Variants in DPAGT1 observed in about 807,000 individuals in gnomAD.
DPAGT1 encodes dolichyl-phosphate N-acetylglucosaminephosphotransferase 1, also known as UDP-N-acetylglucosamine--dolichyl-phosphate N-acetylglucosaminephosphotransferase.
DPAGT1 carries 25 observed loss-of-function variants against 39.3 expected under a neutral mutation model. That is an observed-to-expected ratio of 0.64 (90% CI 0.46 to 0.89). The LOEUF (loss-of-function observed/expected upper bound fraction) is 0.89, where lower values mean the gene tolerates loss of function less well. DPAGT1 is among the 40% of genes least tolerant of loss of function. The pLI is 0.00. For synonymous variants in DPAGT1, 193 were observed against 201.4 expected (o/e 0.96, Z 0.36); for missense variants, 381 against 500.6 (o/e 0.76, Z 2.28).
chr11:119,100,968 G>A (rs1946492558), intron 2 of DPAGT1, 50 bp downstream of exon 2: 3 of 1,613,962 alleles, frequency 1.9e-6, no homozygotes, highest in Non-Finnish European at 1.7e-6. Context: ...GTTCTCTCAG[G>A]TACCTCCCAG....
chr11:119,096,755 G>T lies in DPAGT1; in HGVS notation c.*243C>A. The T allele has an allele frequency of 1.7e-6, 1 of 584,064 alleles. No individual in the cohort carries two copies. 36.2% of individuals were successfully genotyped at this position (584,064 alleles called of 1,614,324 possible). A position where few individuals can be genotyped will look rare whatever the true frequency, so the allele number is the denominator to read the frequency against. On this transcript the variant is annotated 3_prime_UTR_variant, in exon 9 of 9. Transcript: ENST00000354202. ...CCCTATGAGGCTGCAAAGATGGGAT[G>T]GAGAGGGAGAGAGTAGCAAGTTGCA...
chr11:119,099,908 T>C (rs1056513804), intron 4 of DPAGT1, among the ~76,000 whole-genome samples: 1 of 151,904 alleles, frequency 6.6e-6, no homozygotes, highest in Non-Finnish European at 1.5e-5. Flanking sequence ...AGTGTTCTTG[T>C]GGTTTTGCCT....
At position 119,096,848 on chromosome 11, in the gene DPAGT1, A is replaced by T; in HGVS notation, c.*150T>A. ...AGAAACGCCCAGGATGCCAATGATC[A>T]CAGAGAAAGGAAAATGCTGAGAACA... On this transcript the variant is annotated 3_prime_UTR_variant, in exon 9 of 9. Transcript: ENST00000354202. 1 of 951,556 alleles carries T rather than the reference A, an allele frequency of 1.1e-6. No individual in the cohort carries two copies. The highest frequency in any genetic ancestry group is 1.6e-6 in the Non-Finnish European group (1 of 609,942). The allele number at this position is 951,556 out of a possible 1,614,324, so 58.9% of individuals were successfully genotyped here.
chr11:119,100,427 G>A lies in DPAGT1; in HGVS notation c.497-19C>T, dbSNP rs1419252364. ...AGGATTCCTGCGGGGAGAGATGGTA[G>A]GAAAAGAAGTAGTGCCACCTAGGGG... On this transcript the variant is annotated intron_variant, in intron 3 of 8. Transcript: ENST00000354202. The A allele has an allele frequency of 4.3e-6, 7 of 1,614,136 alleles. No individual in the cohort carries two copies. The South Asian group carries it at 4.4e-5, about 10-fold the overall frequency.
In DPAGT1 at chr11:119,097,379, C is replaced by T; in HGVS notation, c.1006-82G>A. ...GATCTATTTAATGCTTTCAAGTTCC[C>T]CTTGGATCTGATGTAGGACTAGGTT... On this transcript the variant is annotated intron_variant, in intron 7 of 8. Coordinates refer to ENST00000354202, the MANE Select transcript of DPAGT1 (RefSeq NM_001382.4). The surrounding 1 kb of genome is among the most constrained non-coding windows in gnomAD (Gnocchi z 4.6). 1 of 1,612,672 alleles carries T rather than the reference C, an allele frequency of 6.2e-7. No individual in the cohort carries two copies. The highest frequency in any genetic ancestry group is 8.5e-7 in the Non-Finnish European group (1 of 1,178,742).
At chr11:119,095,428 C>G (rs1946375124), downstream of DPAGT1, 3 of 1,478,772 alleles carry the variant, frequency 2.0e-6, no homozygotes, top group Non-Finnish European at 2.7e-6. Flanking sequence ...CACGACGGCT[C>G]AAACACTAGA....
At chr11:119,095,141 T>G (rs750855185), downstream of DPAGT1, 2 of 1,614,044 alleles carry the variant, frequency 1.2e-6, no homozygotes, top group Non-Finnish European at 1.7e-6. Context: ...GATGGCCAGC[T>G]GCAGGTGGCG....
downstream of DPAGT1, chr11:119,095,256 C>G: frequency 1.2e-6 from 2 of 1,613,472 alleles, no homozygotes; most frequent in Non-Finnish European, 1.7e-6. Context: ...ACTGGCGCGC[C>G]GGCGCCAACG....
downstream of DPAGT1, chr11:119,095,432 C>A: frequency 3.4e-6 from 5 of 1,466,406 alleles, no homozygotes; most frequent in South Asian, 4.2e-5. Context: ...ACGGCTCAAA[C>A]ACTAGAACAG....
chr11:119,097,769 C>G lies in DPAGT1; in HGVS notation c.917+86G>C, dbSNP rs1326358746. 3 of 1,582,682 alleles carry G rather than the reference C, an allele frequency of 1.9e-6. No homozygotes were observed. The East Asian group carries it at 6.7e-5, about 35-fold the overall frequency. ...GAAATAGCCCTTCTTTGGGCCCACT[C>G]CCTTTGCACAGCAAATGTATAGGCT... On this transcript the variant is annotated intron_variant, in intron 6 of 8. Transcript: ENST00000354202. This position sits in a 1 kb window ranked among gnomAD's most constrained non-coding sequence, Gnocchi z 4.6.
chr11:119,101,183 C>T, intron 1 of DPAGT1, 45 bp from the exon 2 acceptor site: 1 of 1,612,094 alleles, frequency 6.2e-7, no homozygotes, highest in Non-Finnish European at 8.5e-7. Flanking sequence ...GGAAAGGGGG[C>T]GTGGTCACTC....
At chr11:119,094,737 G>C (rs1443413601), downstream of DPAGT1, 21 of 504,046 alleles carry the variant, frequency 4.2e-5, no homozygotes, top group Admixed American at 8.2e-4. Flanking sequence ...ACAGGGCAGG[G>C]CCCGAGGCCG....
chr11:119,095,541 T>C, downstream of DPAGT1: 3 of 879,146 alleles, frequency 3.4e-6, no homozygotes, highest in Non-Finnish European at 3.3e-6. Flanking sequence ...GGCTCTTTTC[T>C]CCAATACCCG....
downstream of DPAGT1, chr11:119,095,390 G>C: frequency 1.3e-6 from 2 of 1,557,364 alleles, no homozygotes; most frequent in Non-Finnish European, 8.6e-7. Context: ...GCCGCGGCCC[G>C]ACATGCTAGC....
chr11:119,101,608 G>A lies in DPAGT1; in HGVS notation c.48C>T (p.Ile16=), dbSNP rs1020413992. The A allele has an allele frequency of 2.5e-6, 4 of 1,614,260 alleles. No individual in the cohort carries two copies. The highest frequency in any genetic ancestry group is 2.2e-5 in the East Asian group (1 of 44,890). Residue 16 remains isoleucine, a synonymous_variant, in exon 1 of 9, where the codon ATC becomes ATT. Transcript: ENST00000354202. ...ELPMPLLINL[I]VSLLGFVATV... The stretch of plus-strand genomic sequence containing the variant: ...TGGCCACAAATCCCAGCAGCGAGAC[G>A]ATCAAATTGATCAGCAGCGGCATGG...
Position 119,098,234 on chromosome 11 carries a change from C to T in DPAGT1, c.728+169G>A. On this transcript the variant is annotated intron_variant, in intron 5 of 8. Coordinates refer to ENST00000354202, the MANE Select transcript of DPAGT1 (RefSeq NM_001382.4). Reference sequence around the variant, plus strand: ...TCCTGGGGCCTCCACGCACTCATCCCTAACTACTACTGGGTAGAGAGAAAT... The same window carrying T: ...TCCTGGGGCCTCCACGCACTCATCCTTAACTACTACTGGGTAGAGAGAAAT... The T allele has an allele frequency of 6.4e-6, 7 of 1,086,222 alleles. No homozygotes were observed. The South Asian group carries it at 8.9e-5, about 14-fold the overall frequency. 67.3% of individuals were successfully genotyped at this position (1,086,222 alleles called of 1,614,324 possible).
chr11:119,097,886 T>C lies in DPAGT1; in HGVS notation c.886A>G (p.Ile296Val), dbSNP rs762561297. ...FLYSLPQLLH[I>V]IPCPRHRIPR... Reference sequence around the variant, plus strand: ...ATGCGGTGGCGAGGGCAGGGGATGATATGCAGGAGCTGAGGCAGTGAGTAG... The same window carrying C: ...ATGCGGTGGCGAGGGCAGGGGATGACATGCAGGAGCTGAGGCAGTGAGTAG... Residue 296 changes from isoleucine to valine, a missense_variant, in exon 6 of 9, where the codon ATC (isoleucine) becomes GTC (valine). By Grantham distance (29) the Ile-to-Val change is conservative (BLOSUM62 3). Coordinates refer to ENST00000354202, the MANE Select transcript of DPAGT1 (RefSeq NM_001382.4). The surrounding 1 kb of genome is among the most constrained non-coding windows in gnomAD (Gnocchi z 4.6). 4.3e-6 allele frequency: 7 copies of C among 1,614,104 alleles called. No individual in the cohort carries two copies. The South Asian group carries it at 4.4e-5, about 10-fold the overall frequency.
At position 119,096,986 on chromosome 11, in the gene DPAGT1, T is replaced by C. The variant is rs372629319; in HGVS notation, c.*12A>G. The C allele has an allele frequency of 2.0e-5, 33 of 1,613,722 alleles. No homozygotes were observed. In the African/African-American group the frequency reaches 4.3e-4, roughly 21 times the overall value. ...CTAGAGACTGTGAGGTAAAGGACAA[T>C]GATCAAGGGACTCAGACATCATAGA... On this transcript the variant is annotated 3_prime_UTR_variant, in exon 9 of 9. Transcript: ENST00000354202.
chr11:119,100,434 A>T (rs765185746), intron 3 of DPAGT1, 26 bp from the exon 4 acceptor site: 13 of 1,614,140 alleles, frequency 8.1e-6, no homozygotes, highest in Non-Finnish European at 1.0e-5. Flanking sequence ...GTAGGAAAAG[A>T]AGTAGTGCCA....
Sources: gnomAD v4.1 joint callset for allele counts (sites outside exome capture counted in the v4.1 genomes callset) on GRCh38, gnomAD v4.1.1 for gene constraint, Gnocchi (gnomAD v3.1) non-coding constraint, MANE v1.5 for transcripts, NCBI Gene and HGNC (gene_info 2026-07-23, HGNC 2026-07-21) for gene names.